Variants in RIBC2 observed in about 807,000 individuals in gnomAD.
RIBC2 encodes the protein RIB43A domain with coiled-coils 2.
A neutral mutation model predicts 44.3 loss-of-function variants in RIBC2; 40 were observed. The observed-to-expected ratio is 0.90, with a 90% confidence interval of 0.70 to 1.18. The LOEUF (loss-of-function observed/expected upper bound fraction) is 1.18. RIBC2 is among the 50% of genes most tolerant of loss of function. The pLI, the probability that RIBC2 is intolerant of heterozygous loss-of-function variation, is 0.00. For missense variants in RIBC2, 459 were observed against 485.5 expected, an observed-to-expected ratio of 0.95 and a Z score of 0.51; for synonymous variants, 171 against 175.0, an observed-to-expected ratio of 0.98 and a Z score of 0.18.
chr22:45,426,289 C>A, intron 5 of RIBC2, 114 bp downstream of exon 5: 1 of 848,092 alleles, frequency 1.2e-6, no homozygotes. Context: ...AGCACCTGCC[C>A]TCAAGGAGTT....
intron 5 of RIBC2, among the ~76,000 whole-genome samples, 170 bp downstream of exon 5, chr22:45,426,345 G>A (rs758989065): frequency 2.6e-5 from 4 of 152,254 alleles, no homozygotes; most frequent in Non-Finnish European, 5.9e-5. Context: ...TGTCACACCC[G>A]TATGATGTGG....
At chr22:45,418,004 CA>C in intron 3 of RIBC2, 58 bp downstream of exon 3, 2 of 827,618 alleles carry the variant, frequency 2.4e-6, no homozygotes, top group Non-Finnish European at 3.3e-6. Context: ...ACCAACCCTA[CA>C]GTTTTTTTTT....
At chr22:45,424,953 A>G (rs2087520815) in intron 4 of RIBC2, among the ~76,000 whole-genome samples, 1 of 151,596 alleles carries the variant, frequency 6.6e-6, no homozygotes, top group Admixed American at 6.6e-5. Flanking sequence ...ATGGGGTTTC[A>G]CCATGTTGGC....
intron 5 of RIBC2, 78 bp from the exon 6 acceptor site, chr22:45,430,822 G>A (rs1378907285): frequency 1.4e-6 from 2 of 1,429,692 alleles, no homozygotes; most frequent in Admixed American, 5.7e-5. Context: ...AGAATGAGAG[G>A]CCAGGCCTCC....
At chr22:45,422,624 C>G in intron 4 of RIBC2, 1 of 550,860 alleles carries the variant, frequency 1.8e-6, no homozygotes, top group Non-Finnish European at 3.3e-6. Flanking sequence ...GGAAACCTGC[C>G]AAACTAGCCA....
At chr22:45,425,816 C>T (rs1198398335) in intron 4 of RIBC2, 132 bp from the exon 5 acceptor site, 5 of 742,744 alleles carry the variant, frequency 6.7e-6, no homozygotes, top group Non-Finnish European at 1.1e-5. Context: ...TGACAAGTCT[C>T]CCCTCCACCC....
Position 45,432,267 on chromosome 22 carries a change from T to G in RIBC2, c.1071-17T>G, listed in dbSNP as rs2087587535. On this transcript the variant is annotated splice_polypyrimidine_tract_variant and intron_variant, in intron 6 of 6. Coordinates refer to ENST00000614167, the MANE Select transcript of RIBC2 (RefSeq NM_015653.5). ...TACACATTTGCTGACCTTTTTTTTTTCTCATTTTGTTATCAGGAAAAAATA... is the reference window on the plus strand; with the variant it reads ...TACACATTTGCTGACCTTTTTTTTTGCTCATTTTGTTATCAGGAAAAAATA... 3 of 1,430,658 alleles carry G rather than the reference T, an allele frequency of 2.1e-6. No individual in the cohort carries two copies. The highest frequency in any genetic ancestry group is 2.9e-6 in the Non-Finnish European group (3 of 1,033,598). 88.6% of individuals were successfully genotyped at this position (1,430,658 alleles called of 1,614,324 possible).
At chr22:45,414,040 G>T in intron 1 of RIBC2, 25 bp downstream of exon 1, 1 of 1,550,422 alleles carries the variant, frequency 6.4e-7, no homozygotes, top group Non-Finnish European at 8.7e-7. Flanking sequence ...GCCGGGACGG[G>T]GTTAGAGCGG....
In RIBC2 at chr22:45,425,942, G is replaced by A; in HGVS notation, c.676-6G>A. 6.2e-7 allele frequency: 1 copy of A among 1,611,584 alleles called. No individual in the cohort carries two copies. The highest frequency in any genetic ancestry group is 8.5e-7 in the Non-Finnish European group (1 of 1,178,640). ...ACCATCTTCTTTAATGTCTTCACCT[G>A]CTTAGGCCATCGAGTCAGTGGAAAG... On this transcript the variant is annotated splice_region_variant and splice_polypyrimidine_tract_variant and intron_variant, in intron 4 of 6. Transcript: ENST00000614167.
intron 2 of RIBC2, among the ~76,000 whole-genome samples, chr22:45,416,608 C>T (rs548909794): frequency 1.2e-4 from 19 of 152,050 alleles, no homozygotes; most frequent in Non-Finnish European, 2.2e-4. Flanking sequence ...ACTATAGGCA[C>T]GTGCCACCAA....
chr22:45,422,523 A>T lies in RIBC2; in HGVS notation c.675+115A>T, dbSNP rs186139180. On this transcript the variant is annotated intron_variant, in intron 4 of 6. Coordinates refer to ENST00000614167, the MANE Select transcript of RIBC2 (RefSeq NM_015653.5). The stretch of plus-strand genomic sequence containing the variant: ...CCCAGTCTCAGCCTGCTCCCTGGTC[A>T]CATGACCGGCCCTGACAGAGACCCT... 149 of 768,882 alleles carry T rather than the reference A, an allele frequency of 1.9e-4. No homozygotes were observed. In the East Asian group the frequency reaches 3.3e-3, roughly 17 times the overall value. The allele number at this position is 768,882 out of a possible 1,614,324, so 47.6% of individuals were successfully genotyped here. A position where few individuals can be genotyped will look rare whatever the true frequency, so the allele number is the denominator to read the frequency against.
Position 45,417,172 on chromosome 22 carries a change from A to G in RIBC2, c.212-430A>G, listed in dbSNP as rs543500571. ...CACCTCGGGCTCCCAAAGTGTTGGG[A>G]TTACAGGTGTGAGCCACCACACCCA... On this transcript the variant is annotated intron_variant, in intron 2 of 6. Transcript: ENST00000614167. 5.9e-5 allele frequency among the ~76,000 whole-genome samples: 9 copies of G among 152,208 alleles called. No individual in the cohort carries two copies. In the East Asian group the frequency reaches 1.7e-3, roughly 29 times the overall value.
At position 45,417,664 on chromosome 22, in the gene RIBC2, A is replaced by G. The variant is rs2087438052; in HGVS notation, c.274A>G (p.Arg92Gly). 6.2e-7 allele frequency: 1 copy of G among 1,614,054 alleles called. No individual in the cohort carries two copies. The highest frequency in any genetic ancestry group is 8.5e-7 in the Non-Finnish European group (1 of 1,180,024). The change falls in exon 3 of 7, where the codon AGG (arginine) becomes GGG (glycine). Residue 92 changes from arginine (R) to glycine (G), a missense_variant. Arg to Gly is a moderately radical substitution (Grantham distance 125, BLOSUM62 -2). Transcript: ENST00000614167. ...CILENRKKRD[R>G]KNLCRAINDF... ...ATTGGAAAACCGGAAAAAGAGGGAT[A>G]GGAAAAATCTCTGTAGGGCTATCAA...
Position 45,422,274 on chromosome 22 carries a change from T to A in RIBC2, c.557-16T>A, listed in dbSNP as rs1320781440. ...CTGTGGCCAGGTCGATCTGATTGCT[T>A]CTTGCCTCCTTTCAGAGGCCCTCTA... On this transcript the variant is annotated splice_polypyrimidine_tract_variant and intron_variant, in intron 3 of 6. Transcript: ENST00000614167. 4 of 1,597,966 alleles carry A rather than the reference T, an allele frequency of 2.5e-6. No individual in the cohort carries two copies. Among genetic ancestry groups the A allele is most frequent in the Non-Finnish European group, 3.4e-6 (4 of 1,165,438 alleles).
In RIBC2 at chr22:45,426,924, C is replaced by T. The variant is rs148791050; in HGVS notation, c.903+749C>T. ...GATTGGATGCATGATTGGGTGGGGA[C>T]GTGTGAAAGAGAGGAGTTAAAGGCG... On this transcript the variant is annotated intron_variant, in intron 5 of 6. Coordinates refer to ENST00000614167, the MANE Select transcript of RIBC2 (RefSeq NM_015653.5). Among the ~76,000 whole-genome samples, 9 of 151,588 alleles carry T rather than the reference C, an allele frequency of 5.9e-5. No individual in the cohort carries two copies. The East Asian group carries it at 1.4e-3, about 23-fold the overall frequency.
At chr22:45,427,640 G>A (rs962287519) in intron 5 of RIBC2, among the ~76,000 whole-genome samples, 4 of 152,198 alleles carry the variant, frequency 2.6e-5, no homozygotes, top group Admixed American at 2.0e-4. Context: ...CAGAGAGAAT[G>A]TATGCATGTA....
chr22:45,430,591 C>T (rs2087570114), intron 5 of RIBC2, among the ~76,000 whole-genome samples: 1 of 152,174 alleles, frequency 6.6e-6, no homozygotes, highest in Non-Finnish European at 1.5e-5. Flanking sequence ...CTGGGCCCAG[C>T]CTGCACCTGG....
chr22:45,414,112 G>C, intron 1 of RIBC2, 97 bp downstream of exon 1: 1 of 1,500,002 alleles, frequency 6.7e-7, no homozygotes, highest in East Asian at 2.5e-5. Flanking sequence ...TGAAACATCT[G>C]AGCCAGGAGG....
chr22:45,413,867 A>G lies in RIBC2; in HGVS notation c.-20A>G. 4 of 1,535,616 alleles carry G rather than the reference A, an allele frequency of 2.6e-6. No homozygotes were observed. Among genetic ancestry groups the G allele is most frequent in the African/African-American group, 1.4e-5 (1 of 72,612 alleles). On this transcript the variant is annotated 5_prime_UTR_variant, in exon 1 of 7. Coordinates refer to ENST00000614167, the MANE Select transcript of RIBC2 (RefSeq NM_015653.5). Reference sequence around the variant, plus strand: ...CTGTTCTCCTGATCCTGCGTGTTCTAAAAACCCCTTAGGCTTTCCATGGGT... The same window carrying G: ...CTGTTCTCCTGATCCTGCGTGTTCTGAAAACCCCTTAGGCTTTCCATGGGT...
Sources: allele counts gnomAD v4.1 joint callset (sites outside exome capture counted in the v4.1 genomes callset), GRCh38; gene constraint gnomAD v4.1.1; transcripts MANE v1.5; gene names NCBI Gene and HGNC (gene_info 2026-07-23, HGNC 2026-07-21).